The following ANO2 variants were observed in gnomAD, a reference collection of about 807,000 sequenced individuals.
ANO2 encodes the protein anoctamin 2, also known as anoctamin-2.
In ANO2, 101 loss-of-function variants were observed where a neutral mutation model predicts 124.2. The ratio of observed to expected loss-of-function variants is 0.81; its 90% CI spans 0.69 to 0.96. ANO2 has a LOEUF of 0.96. ANO2 is among the 40% of genes least tolerant of loss of function. ANO2 has a pLI of 0.00. For synonymous variants in ANO2, 486 were observed against 482.5 expected (o/e 1.01, Z -0.09); for missense variants, 1,293 against 1,274.5 (o/e 1.01, Z -0.22).
chr12:5,913,082 C>A (rs1941152853), intron 3 of ANO2, among the ~76,000 whole-genome samples: 1 of 152,260 alleles, frequency 6.6e-6, no homozygotes, highest in Admixed American at 6.5e-5. Flanking sequence ...CGATCCAGCA[C>A]CAGCAGCCTG....
chr12:5,916,403 T>C (rs1459458679), intron 3 of ANO2, among the ~76,000 whole-genome samples: 1 of 148,620 alleles, frequency 6.7e-6, no homozygotes, highest in Non-Finnish European at 1.5e-5. Flanking sequence ...TCTATGTAAA[T>C]TAAGAATGCA....
chr12:5,827,099 G>A (rs11063880), intron 7 of ANO2, among the ~76,000 whole-genome samples: 45,698 of 152,102 alleles, frequency 0.3, 7,187 homozygotes, highest in Middle Eastern at 0.36. Context: ...GGGGTTATGG[G>A]CACAGCTCAC....
At chr12:5,645,832 C>T (rs1297468805) in intron 15 of ANO2, among the ~76,000 whole-genome samples, 1 of 152,156 alleles carries the variant, frequency 6.6e-6, no homozygotes, top group African/African-American at 2.4e-5. Flanking sequence ...TTTGCTTCTG[C>T]TGAGCACCTG....
At chr12:5,603,053 G>T (rs113028065) in intron 19 of ANO2, among the ~76,000 whole-genome samples, 2 of 152,238 alleles carry the variant, frequency 1.3e-5, no homozygotes, top group African/African-American at 4.8e-5. Context: ...ACCAACCAAG[G>T]ATATAAAGCA....
intron 20 of ANO2, chr12:5,584,136 C>G (rs202013641): frequency 6.1e-6 from 1 of 163,862 alleles, no homozygotes; most frequent in South Asian, 1.2e-4. Context: ...TGAACACCCC[C>G]CCCCCGCCGC....
intron 10 of ANO2, among the ~76,000 whole-genome samples, chr12:5,754,825 T>C (rs1951530651): frequency 6.6e-6 from 1 of 152,166 alleles, no homozygotes; most frequent in Admixed American, 6.5e-5. Context: ...TCTTTCCTTT[T>C]CATTAGTCTA....
At chr12:5,691,112 G>A (rs974490229) in intron 14 of ANO2, among the ~76,000 whole-genome samples, 1 of 151,786 alleles carries the variant, frequency 6.6e-6, no homozygotes. Context: ...GGCAGATCAC[G>A]AGGTCAGGAG....
At chr12:5,782,745 T>C (rs1414305044) in intron 10 of ANO2, among the ~76,000 whole-genome samples, 1 of 152,188 alleles carries the variant, frequency 6.6e-6, no homozygotes, top group African/African-American at 2.4e-5. Context: ...CAAGTTTAAA[T>C]GGAATTGTGG....
chr12:5,926,855 A>G (rs1942103252), intron 1 of ANO2, among the ~76,000 whole-genome samples: 1 of 152,316 alleles, frequency 6.6e-6, no homozygotes, highest in East Asian at 1.9e-4. Flanking sequence ...CTGCCCCAAG[A>G]CAAACCCTTT....
chr12:5,640,676 T>C (rs1014911022), intron 15 of ANO2, among the ~76,000 whole-genome samples: 9 of 152,148 alleles, frequency 5.9e-5, no homozygotes, highest in Admixed American at 4.6e-4. Context: ...CACAATGAGA[T>C]ACCATCCCAC....
At chr12:5,832,272 TG>T (rs1954175766) in intron 5 of ANO2, among the ~76,000 whole-genome samples, 179 bp downstream of exon 5, 1 of 152,146 alleles carries the variant, frequency 6.6e-6, no homozygotes, top group South Asian at 2.1e-4. Context: ...CAATCTCACA[TG>T]GGGAGGGGGT....
At chr12:5,593,007 C>T (rs1943481662) in intron 20 of ANO2, among the ~76,000 whole-genome samples, 1 of 152,168 alleles carries the variant, frequency 6.6e-6, no homozygotes, top group Non-Finnish European at 1.5e-5. Context: ...GGCCTTGGTG[C>T]ACACTTCCAG....
At chr12:5,663,142 C>T (rs1040823406) in intron 14 of ANO2, among the ~76,000 whole-genome samples, 17 of 152,312 alleles carry the variant, frequency 1.1e-4, no homozygotes, top group African/African-American at 4.1e-4. Flanking sequence ...CTTCTCTGGG[C>T]CCAGTGCTCT....
intron 3 of ANO2, among the ~76,000 whole-genome samples, chr12:5,867,358 T>C (rs1013066323): frequency 6.6e-6 from 1 of 152,188 alleles, no homozygotes; most frequent in East Asian, 1.9e-4. Context: ...CCAAGAACTG[T>C]AGTCCTTAGA....
chr12:5,639,632 T>C (rs1336339922), intron 15 of ANO2, among the ~76,000 whole-genome samples: 2 of 151,898 alleles, frequency 1.3e-5, no homozygotes, highest in Non-Finnish European at 2.9e-5. Context: ...AAGGGAAGGG[T>C]GTTTCAGGCA....
At chr12:5,592,433 G>A (rs578001454) in intron 20 of ANO2, among the ~76,000 whole-genome samples, 5 of 152,196 alleles carry the variant, frequency 3.3e-5, no homozygotes, top group East Asian at 1.9e-4. Context: ...ACGGGTAGGC[G>A]ACATGGCATA....
chr12:5,583,139 G>A (rs1170817362), intron 20 of ANO2, among the ~76,000 whole-genome samples: 1 of 152,222 alleles, frequency 6.6e-6, no homozygotes, highest in South Asian at 2.1e-4. Context: ...ATTTTCACCA[G>A]TTGTGAAACA....
intron 10 of ANO2, among the ~76,000 whole-genome samples, chr12:5,779,034 C>A (rs1952309648): frequency 6.6e-6 from 1 of 152,324 alleles, no homozygotes. Flanking sequence ...CCCAACCCAG[C>A]CAACATTTCT....
At chr12:5,731,311 A>G (rs534783756) in intron 14 of ANO2, among the ~76,000 whole-genome samples, 2 of 152,284 alleles carry the variant, frequency 1.3e-5, no homozygotes, top group South Asian at 4.1e-4. Flanking sequence ...GTCTAGGAAA[A>G]AAAATAACTC....
Sources: allele counts gnomAD v4.1 joint callset (sites outside exome capture counted in the v4.1 genomes callset), GRCh38; gene constraint gnomAD v4.1.1; transcripts MANE v1.5; gene names NCBI Gene and HGNC (gene_info 2026-07-23, HGNC 2026-07-21).